The following KNDC1 variants were observed in gnomAD, a reference collection of about 807,000 sequenced individuals.
KNDC1 encodes the protein kinase non-catalytic C-lobe domain containing 1.
Under a neutral mutation model 172.8 loss-of-function variants are expected in KNDC1, and 106 were observed. That is an observed-to-expected ratio of 0.61 (90% CI 0.52 to 0.72). The LOEUF is 0.72. KNDC1 is among the 30% of genes least tolerant of loss of function. The pLI, the probability that KNDC1 is intolerant of heterozygous loss-of-function variation, is 0.00. For synonymous variants in KNDC1, 1,083 were observed against 1,062.2 expected (o/e 1.02, Z -0.38); for missense variants, 2,325 against 2,394.5 (o/e 0.97, Z 0.61).
Position 133,211,832 on chromosome 10 carries a change from C to T in KNDC1, c.4210C>T (p.Leu1404Phe), listed in dbSNP as rs1334464772. 1 of 1,609,056 alleles carries T rather than the reference C, an allele frequency of 6.2e-7. No homozygotes were observed. Among genetic ancestry groups the T allele is most frequent in the African/African-American group, 1.3e-5 (1 of 74,782 alleles). ...ACCCTTCAACGCCCTCTGTAAGAGG[C>T]TCTCAGAGGACGGCATCTCCAGGAA... ...ARPFNALCKR[L>F]SEDGISRKSF... The change falls in exon 23 of 30, where the codon CTC becomes TTC. Residue 1404 changes from leucine (L) to phenylalanine (F), a missense_variant. By Grantham distance (22) the Leu-to-Phe change is conservative. Transcript: ENST00000304613.
intron 17 of KNDC1, among the ~76,000 whole-genome samples, chr10:133,203,730 G>A (rs1007905003): frequency 2.6e-5 from 4 of 152,254 alleles, no homozygotes; most frequent in African/African-American, 9.6e-5. Flanking sequence ...CTGCACCGGT[G>A]AAGCCTGGCC....
chr10:133,182,833 G>A (rs935331297), intron 3 of KNDC1, among the ~76,000 whole-genome samples: 8 of 151,086 alleles, frequency 5.3e-5, no homozygotes, highest in African/African-American at 7.3e-5. Context: ...GCGAGGGCGC[G>A]GGCAGTGTGG....
Position 133,224,102 on chromosome 10 carries a change from C to G in KNDC1, c.5019-557C>G, listed in dbSNP as rs980701110. 1.3e-5 allele frequency among the ~76,000 whole-genome samples: 2 copies of G among 152,204 alleles called. No homozygotes were observed. The highest frequency in any genetic ancestry group is 2.4e-5 in the African/African-American group (1 of 41,458). ...GACGCCCCTTTCTTTGTCCCTCACA[C>G]TGGGCATGTGGTGTTTCCATCCAAA... On this transcript the variant is annotated intron_variant, in intron 29 of 29. Coordinates refer to ENST00000304613, the MANE Select transcript of KNDC1 (RefSeq NM_152643.8). This position sits in a 1 kb window ranked among gnomAD's most constrained non-coding sequence, Gnocchi z 5.4.
intron 29 of KNDC1, among the ~76,000 whole-genome samples, chr10:133,222,014 G>A (rs1845602770): frequency 6.9e-6 from 1 of 145,834 alleles, no homozygotes. Context: ...GGGCGCGGTG[G>A]CTCACGCCAG....
Position 133,160,251 on chromosome 10 carries a change from C to G in KNDC1, c.-217C>G, listed in dbSNP as rs943037453. On this transcript the variant is annotated 5_prime_UTR_variant, in exon 1 of 30. Coordinates refer to ENST00000304613, the MANE Select transcript of KNDC1 (RefSeq NM_152643.8). ...AGCGACGTTCCCTAGGCGCCGGGTCCGGACAGCGCCGCGCAGCCCCCGCGC... is the reference window on the plus strand; with the variant it reads ...AGCGACGTTCCCTAGGCGCCGGGTCGGGACAGCGCCGCGCAGCCCCCGCGC... Among the ~76,000 whole-genome samples the G allele has an allele frequency of 2.0e-5, 3 of 148,718 alleles. No homozygotes were observed. The highest frequency in any genetic ancestry group is 2.4e-5 in the African/African-American group (1 of 40,898).
Position 133,199,497 on chromosome 10 carries a change from C to A in KNDC1, c.2798C>A (p.Thr933Asn), listed in dbSNP as rs898534494. ...IFALKDLTFATFCGAISEKFC... is the reference protein window; with the variant it reads ...IFALKDLTFANFCGAISEKFC... Reference sequence around the variant, plus strand: ...GCCTTGAAAGATCTCACCTTTGCCACTTTCTGTGGCGCCATTTCCGAGAAG... The same window carrying A: ...GCCTTGAAAGATCTCACCTTTGCCAATTTCTGTGGCGCCATTTCCGAGAAG... Residue 933 changes from threonine to asparagine, a missense_variant, in exon 15 of 30, where the codon ACT (threonine) becomes AAT (asparagine). Physicochemically the swap from Thr to Asn is moderately conservative, Grantham distance 65. Coordinates refer to ENST00000304613, the MANE Select transcript of KNDC1 (RefSeq NM_152643.8). 5.0e-6 allele frequency: 8 copies of A among 1,613,952 alleles called. No homozygotes were observed. In the Admixed American group the frequency reaches 1.0e-4, roughly 20 times the overall value.
At chr10:133,223,375 GTC>G (rs1190753724) in intron 29 of KNDC1, among the ~76,000 whole-genome samples, 1 of 49,510 alleles carries the variant, frequency 2.0e-5, no homozygotes, top group African/African-American at 6.6e-5. Context: ...GCGTGTGTGT[GTC>G]TGTGAGAGCC....
At chr10:133,177,644 T>C (rs1237438367) in intron 3 of KNDC1, among the ~76,000 whole-genome samples, 1 of 152,040 alleles carries the variant, frequency 6.6e-6, no homozygotes, top group Non-Finnish European at 1.5e-5. Context: ...GCATGTGTGT[T>C]GCATGATGTG....
chr10:133,182,927 GGTGTGGGCACAGGCGGT>G (rs1211518903), intron 3 of KNDC1, among the ~76,000 whole-genome samples: 1 of 8,416 alleles, frequency 1.2e-4, no homozygotes, highest in Non-Finnish European at 3.7e-4. Flanking sequence ...GGGCACGGAC[GGTGTGGGCACAGGCGGT>G]GTGGGCACAG....
intron 15 of KNDC1, 25 bp from the exon 16 acceptor site, chr10:133,200,350 G>A (rs1854324532): frequency 6.4e-7 from 1 of 1,556,570 alleles, no homozygotes; most frequent in Non-Finnish European, 8.7e-7. Flanking sequence ...CGGAGGTGGG[G>A]ACTGACCTGC....
intron 23 of KNDC1, 117 bp from the exon 24 acceptor site, chr10:133,212,599 T>G (rs1274752818): frequency 2.4e-5 from 19 of 800,098 alleles, no homozygotes; most frequent in Non-Finnish European, 3.5e-5. Flanking sequence ...TGGGCCAGTC[T>G]GAGGAGTACT....
intron 1 of KNDC1, among the ~76,000 whole-genome samples, chr10:133,160,989 TG>T (rs1205569050): frequency 6.8e-6 from 1 of 147,668 alleles, no homozygotes; most frequent in African/African-American, 2.5e-5. Context: ...GAGCGGGGGG[TG>T]GGGGGAGCGC....
Position 133,224,789 on chromosome 10 carries a change from C to T in KNDC1, c.5149C>T (p.Leu1717Phe). 6.2e-7 allele frequency: 1 copy of T among 1,614,144 alleles called. No homozygotes were observed. Among genetic ancestry groups the T allele is most frequent in the Non-Finnish European group, 8.5e-7 (1 of 1,180,034 alleles). Residue 1717 changes from leucine (L) to phenylalanine (F), a missense_variant, in exon 30 of 30, where the codon CTC becomes TTC. Coordinates refer to ENST00000304613, the MANE Select transcript of KNDC1 (RefSeq NM_152643.8). This position sits in a 1 kb window ranked among gnomAD's most constrained non-coding sequence, Gnocchi z 5.4. ...CTTCAGCGGTGCCGACATTTCCACACTCGCCGCAGATAGCAGGGCCAACTT... is the reference window on the plus strand; with the variant it reads ...CTTCAGCGGTGCCGACATTTCCACATTCGCCGCAGATAGCAGGGCCAACTT... The part of the protein sequence containing the change: ...ARFSGADIST[L>F]AADSRANFHQ...
At chr10:133,200,017 C>T (rs73388551) in intron 15 of KNDC1, among the ~76,000 whole-genome samples, 16,789 of 152,074 alleles carry the variant, frequency 0.11, 1,390 homozygotes, top group African/African-American at 0.24. Flanking sequence ...TTGGGTGGGG[C>T]GGCGGCCACC....
chr10:133,177,827 ATG>A (rs1853591253), intron 3 of KNDC1, among the ~76,000 whole-genome samples: 1 of 148,740 alleles, frequency 6.7e-6, no homozygotes, highest in South Asian at 2.1e-4. Flanking sequence ...TTGTGGTGTA[ATG>A]TGTGCGTGCA....
chr10:133,218,990 C>G, intron 27 of KNDC1, 37 bp downstream of exon 27: 1 of 1,613,724 alleles, frequency 6.2e-7, no homozygotes, highest in Non-Finnish European at 8.5e-7. Context: ...GGGGTGGGTA[C>G]CCGCACGGCC....
chr10:133,163,783 C>T lies in KNDC1; in HGVS notation c.102+3214C>T, dbSNP rs952961357. On this transcript the variant is annotated intron_variant, in intron 1 of 29. Coordinates refer to ENST00000304613, the MANE Select transcript of KNDC1 (RefSeq NM_152643.8). The surrounding 1 kb of genome is among the most constrained non-coding windows in gnomAD (Gnocchi z 4.4). ...GGACCTGCCATGAGATAAGGGTCCT[C>T]GGTGGGAAGCGTGCCCTGCCCTCTG... 6.6e-6 allele frequency among the ~76,000 whole-genome samples: 1 copy of T among 152,144 alleles called. No homozygotes were observed. Among genetic ancestry groups the T allele is most frequent in the South Asian group, 2.1e-4 (1 of 4,824 alleles).
At chr10:133,184,377 A>C (rs867209956) in intron 5 of KNDC1, among the ~76,000 whole-genome samples, 3 of 150,794 alleles carry the variant, frequency 2.0e-5, no homozygotes, top group Admixed American at 6.6e-5. Flanking sequence ...ATGCACACAC[A>C]CATGCTGCGC....
intron 17 of KNDC1, among the ~76,000 whole-genome samples, chr10:133,205,391 C>T (rs1311871755): frequency 6.6e-6 from 1 of 152,264 alleles, no homozygotes; most frequent in African/African-American, 2.4e-5. Flanking sequence ...TGGCCTCAGT[C>T]CTGCTTCCCT....
Sources: gnomAD v4.1 joint callset for allele counts (sites outside exome capture counted in the v4.1 genomes callset) on GRCh38, gnomAD v4.1.1 for gene constraint, Gnocchi (gnomAD v3.1) non-coding constraint, MANE v1.5 for transcripts, NCBI Gene and HGNC (gene_info 2026-07-23, HGNC 2026-07-21) for gene names.